The following BTG3 variants were observed in gnomAD, a reference collection of about 807,000 sequenced individuals.
BTG3 encodes the protein protein BTG3.
Under a neutral mutation model 25.8 loss-of-function variants are expected in BTG3, and 4 were observed. The ratio of observed to expected loss-of-function variants is 0.16; its 90% CI spans 0.08 to 0.36. The LOEUF (loss-of-function observed/expected upper bound fraction) is 0.36, where lower values mean the gene tolerates loss of function less well. Among genes scored for constraint, BTG3 ranks in the 10% least tolerant of loss-of-function variants. BTG3 has a pLI of 1.00. For missense variants in BTG3, 201 were observed against 304.9 expected, an observed-to-expected ratio of 0.66 and a Z score of 2.54; for synonymous variants, 107 against 99.9, an observed-to-expected ratio of 1.07 and a Z score of -0.42.
chr21:17,605,348 T>C (rs1046938779), intron 2 of BTG3, among the ~76,000 whole-genome samples: 4 of 152,154 alleles, frequency 2.6e-5, no homozygotes, highest in Admixed American at 6.5e-5. Flanking sequence ...CAAGTTCCTA[T>C]ACAAAAAAAT....
intron 3 of BTG3, among the ~76,000 whole-genome samples, chr21:17,603,551 C>T (rs766971353): frequency 6.6e-6 from 1 of 152,108 alleles, no homozygotes. Flanking sequence ...GGTCAGTCTG[C>T]GACCACCTTA....
chr21:17,602,440 T>C (rs1193076925), intron 3 of BTG3, among the ~76,000 whole-genome samples: 1 of 152,224 alleles, frequency 6.6e-6, no homozygotes, highest in East Asian at 1.9e-4. Flanking sequence ...ATCAATTGTA[T>C]ACTTGCTAGA....
intron 1 of BTG3, among the ~76,000 whole-genome samples, chr21:17,609,677 G>C (rs1601108421): frequency 6.6e-6 from 1 of 152,156 alleles, no homozygotes; most frequent in African/African-American, 2.4e-5. Flanking sequence ...TTGCCCAAGA[G>C]AAATGAAAAC....
At chr21:17,600,727 C>CA (rs2061561724) in intron 3 of BTG3, among the ~76,000 whole-genome samples, 2 of 152,116 alleles carry the variant, frequency 1.3e-5, no homozygotes. Flanking sequence ...ATCTAGCAGT[C>CA]TCAGAGATCA....
chr21:17,600,479 T>C (rs2061558144), intron 3 of BTG3, among the ~76,000 whole-genome samples: 1 of 152,170 alleles, frequency 6.6e-6, no homozygotes, highest in South Asian at 2.1e-4. Flanking sequence ...TGAATCAGAA[T>C]GGTTATCTAT....
At chr21:17,610,499 T>G (rs1475089138) in intron 1 of BTG3, among the ~76,000 whole-genome samples, 1 of 152,142 alleles carries the variant, frequency 6.6e-6, no homozygotes, top group African/African-American at 2.4e-5. Flanking sequence ...AAAAACAAAC[T>G]AAAAGAAATA....
At chr21:17,598,533 C>T (rs1744086971) in intron 4 of BTG3, 84 bp downstream of exon 4, 1 of 1,164,500 alleles carries the variant, frequency 8.6e-7, no homozygotes, top group Admixed American at 2.4e-5. Flanking sequence ...AGTCAGAAAC[C>T]TTGGGCAATG....
At chr21:17,610,953 G>A (rs752491781) in intron 1 of BTG3, among the ~76,000 whole-genome samples, 1 of 152,086 alleles carries the variant, frequency 6.6e-6, no homozygotes, top group Non-Finnish European at 1.5e-5. Context: ...AGGTGTGCTG[G>A]CAGCCGCAGA....
intron 4 of BTG3, 126 bp from the exon 5 acceptor site, chr21:17,594,458 T>C (rs2061477846): frequency 5.3e-6 from 6 of 1,141,392 alleles, no homozygotes; most frequent in South Asian, 1.6e-5. Flanking sequence ...ACACTCCTAT[T>C]GTCAGGTCTA....
chr21:17,608,890 G>A (rs1320585355), intron 2 of BTG3, 82 bp downstream of exon 2: 1 of 1,364,908 alleles, frequency 7.3e-7, no homozygotes. Flanking sequence ...TGTAGGCATG[G>A]TCTGCACACC....
At chr21:17,603,542 GT>G (rs1283592028) in intron 3 of BTG3, among the ~76,000 whole-genome samples, 1 of 152,142 alleles carries the variant, frequency 6.6e-6, no homozygotes, top group Admixed American at 6.5e-5. Context: ...CTGGAATCAG[GT>G]CAGTCTGCGA....
chr21:17,606,480 T>C (rs943483200), intron 2 of BTG3, among the ~76,000 whole-genome samples: 2 of 152,146 alleles, frequency 1.3e-5, no homozygotes, highest in Non-Finnish European at 2.9e-5. Flanking sequence ...GATTCTAATA[T>C]TGTATAGGGT....
At chr21:17,602,090 T>C (rs2061581745) in intron 3 of BTG3, among the ~76,000 whole-genome samples, 1 of 152,082 alleles carries the variant, frequency 6.6e-6, no homozygotes, top group African/African-American at 2.4e-5. Context: ...AAGGCTAATT[T>C]AGTTATTTAG....
At position 17,593,788 on chromosome 21, in the gene BTG3, C is replaced by A; in HGVS notation, c.*305G>T. ...AAGTAAATTCTCAAAGGTGCTAGAA[C>A]AAATCGTCCACTTCTACAGTGTTCT... On this transcript the variant is annotated 3_prime_UTR_variant, in exon 5 of 5. Coordinates refer to ENST00000348354, the MANE Select transcript of BTG3 (RefSeq NM_006806.5). 3.9e-6 allele frequency: 1 copy of A among 258,562 alleles called. No individual in the cohort carries two copies. The highest frequency in any genetic ancestry group is 7.2e-6 in the Non-Finnish European group (1 of 138,402). 16.0% of individuals were successfully genotyped at this position (258,562 alleles called of 1,614,324 possible).
At chr21:17,611,457 G>A (rs544225566) in intron 1 of BTG3, among the ~76,000 whole-genome samples, 1 of 152,284 alleles carries the variant, frequency 6.6e-6, no homozygotes, top group South Asian at 2.1e-4. Flanking sequence ...TGTAACACAA[G>A]ATGACTCATT....
chr21:17,594,761 G>T (rs532831419), intron 4 of BTG3, among the ~76,000 whole-genome samples: 3 of 151,674 alleles, frequency 2.0e-5, no homozygotes, highest in Non-Finnish European at 4.4e-5. Flanking sequence ...ATCAACTACC[G>T]CATGTTCTCA....
At position 17,594,072 on chromosome 21, in the gene BTG3, C is replaced by T. The variant is rs1484625231; in HGVS notation, c.*21G>A. ...ATTCTACCTTTTTCTCAACATGACA[C>T]CAACACAATCAAAAACGAAGTTAGT... On this transcript the variant is annotated 3_prime_UTR_variant, in exon 5 of 5. Coordinates refer to ENST00000348354, the MANE Select transcript of BTG3 (RefSeq NM_006806.5). The T allele has an allele frequency of 6.2e-7, 1 of 1,609,288 alleles. No individual in the cohort carries two copies. The highest frequency in any genetic ancestry group is 1.3e-5 in the African/African-American group (1 of 74,772).
Position 17,593,828 on chromosome 21 carries a change from T to A in BTG3, c.*265A>T. On this transcript the variant is annotated 3_prime_UTR_variant, in exon 5 of 5. Coordinates refer to ENST00000348354, the MANE Select transcript of BTG3 (RefSeq NM_006806.5). ...TACAGTGTTCTCGTATCCAACAGAG[T>A]TGATGCACAATATATAAATACTCAA... 2.5e-6 allele frequency: 1 copy of A among 403,478 alleles called. No homozygotes were observed. Among genetic ancestry groups the A allele is most frequent in the South Asian group, 4.0e-5 (1 of 25,134 alleles). The allele number at this position is 403,478 out of a possible 1,614,324, so 25.0% of individuals were successfully genotyped here.
At chr21:17,600,900 A>G (rs2061564037) in intron 3 of BTG3, among the ~76,000 whole-genome samples, 1 of 152,174 alleles carries the variant, frequency 6.6e-6, no homozygotes, top group African/African-American at 2.4e-5. Context: ...GCGGTGGCTC[A>G]TGCCTGTAAT....
Sources: allele counts gnomAD v4.1 joint callset (sites outside exome capture counted in the v4.1 genomes callset), GRCh38; gene constraint gnomAD v4.1.1; transcripts MANE v1.5; gene names NCBI Gene and HGNC (gene_info 2026-07-23, HGNC 2026-07-21).